ADGRV1: variants seen among roughly 807,000 people sequenced by gnomAD.
ADGRV1 encodes G-protein coupled receptor 98.
Under a neutral mutation model 596.2 loss-of-function variants are expected in ADGRV1, and 359 were observed. That is an observed-to-expected ratio of 0.60 (90% confidence interval 0.55 to 0.66). The LOEUF is 0.66. Among genes scored for constraint, ADGRV1 ranks in the 30% least tolerant of loss-of-function variants. The probability of loss-of-function intolerance (pLI) is 0.00; values close to 1 mark genes in which losing one functional copy is unlikely to be tolerated. For synonymous variants in ADGRV1, 2,681 were observed against 2,679.2 expected (o/e 1.00, Z -0.02); for missense variants, 7,274 against 7,575.6 (o/e 0.96, Z 1.48).
In ADGRV1 at chr5:91,153,210, A is replaced by G; in HGVS notation, c.18625-11A>G. The stretch of plus-strand genomic sequence containing the variant: ...TATGGTTTCTTTTTCCCCCCATCCC[A>G]ATCTAAAAAGGTGCCACCTGACTGG... On this transcript the variant is annotated splice_polypyrimidine_tract_variant and intron_variant, in intron 88 of 89. Coordinates refer to ENST00000405460, the MANE Select transcript of ADGRV1 (RefSeq NM_032119.4). 6.3e-7 allele frequency: 1 copy of G among 1,596,670 alleles called. No individual in the cohort carries two copies. Among genetic ancestry groups the G allele is most frequent in the Non-Finnish European group, 8.5e-7 (1 of 1,171,138 alleles).
intron 13 of ADGRV1, 132 bp from the exon 14 acceptor site, chr5:90,643,671 C>A: frequency 1.7e-6 from 1 of 573,124 alleles, no homozygotes; most frequent in South Asian, 3.7e-5. Flanking sequence ...ATGATACCAC[C>A]TCTTTTGTCC....
intron 21 of ADGRV1, among the ~76,000 whole-genome samples, chr5:90,667,886 G>T (rs2149517747): frequency 6.6e-6 from 1 of 152,210 alleles, no homozygotes; most frequent in South Asian, 2.1e-4. Context: ...GTGTCAGTGT[G>T]CCCCTGTTGG....
At chr5:90,861,237 G>T (rs1220988551) in intron 82 of ADGRV1, among the ~76,000 whole-genome samples, 1 of 151,994 alleles carries the variant, frequency 6.6e-6, no homozygotes, top group South Asian at 2.1e-4. Flanking sequence ...AAACTGTTCA[G>T]AGTATACCTT....
At position 90,694,429 on chromosome 5, in the gene ADGRV1, C is replaced by G. The variant is rs764379494; in HGVS notation, c.7673C>G (p.Pro2558Arg). ...MNISASLKNQ[P>R]TIGQPNISTV... ...ATTTCAGCCAGTTTGAAAAATCAGC[C>G]AACCATAGGACAGCCAAATATTTCT... Residue 2558 changes from proline (P) to arginine (R), a missense_variant, in exon 33 of 90, where the codon CCA (proline) becomes CGA (arginine). Pro to Arg is a moderately radical substitution (Grantham distance 103, BLOSUM62 -2). Transcript: ENST00000405460. The G allele has an allele frequency of 6.2e-7, 1 of 1,613,966 alleles. No individual in the cohort carries two copies. Among genetic ancestry groups the G allele is most frequent in the Admixed American group, 1.7e-5 (1 of 60,006 alleles).
At chr5:90,872,508 G>C (rs146551423) in intron 83 of ADGRV1, among the ~76,000 whole-genome samples, 59 of 151,824 alleles carry the variant, frequency 3.9e-4, no homozygotes, top group Middle Eastern at 3.4e-3. Context: ...GAAATACAGA[G>C]ATACTTGGCT....
chr5:90,729,773 T>G lies in ADGRV1; in HGVS notation c.10549+9T>G, dbSNP rs1340794555. On this transcript the variant is annotated intron_variant, in intron 50 of 89. Coordinates refer to ENST00000405460, the MANE Select transcript of ADGRV1 (RefSeq NM_032119.4). ...ACCAGCCTCAGGAATAGGTAAGGAC[T>G]TTTCAACTGCTCACCAATTCTAAAG... 1.2e-6 allele frequency: 2 copies of G among 1,612,202 alleles called. No homozygotes were observed. The highest frequency in any genetic ancestry group is 2.7e-5 in the African/African-American group (2 of 74,878).
At chr5:90,965,632 C>T (rs370449651) in intron 84 of ADGRV1, 101 bp downstream of exon 84, 25 of 606,634 alleles carry the variant, frequency 4.1e-5, no homozygotes, top group African/African-American at 2.2e-4. Flanking sequence ...GAAGTAATTC[C>T]GTATATCCAT....
chr5:91,105,841 G>A (rs1469658573), intron 87 of ADGRV1, among the ~76,000 whole-genome samples: 1 of 151,680 alleles, frequency 6.6e-6, no homozygotes, highest in Non-Finnish European at 1.5e-5. Context: ...TATGAAATAA[G>A]CATTTTATAA....
Position 90,763,345 on chromosome 5 carries a change from CA to C in ADGRV1, c.12162del (p.Tyr4055MetfsTer2). Reference protein sequence around the residue: ...DESLSSDDPDSYVTLTVVRSP... With the variant: ...DESLSSDDPDXYVTLTVVRSP... ...TCCCTTTCATCCGATGACCCTGATT[CA>C]TATGTGACATTGACGGTTGTCCGGT... On this transcript the variant is annotated frameshift_variant, in exon 59 of 90. Coordinates refer to ENST00000405460, the MANE Select transcript of ADGRV1 (RefSeq NM_032119.4). LOFTEE classifies it high-confidence loss of function. 6.2e-7 allele frequency: 1 copy of C among 1,609,156 alleles called. No individual in the cohort carries two copies. The highest frequency in any genetic ancestry group is 8.5e-7 in the Non-Finnish European group (1 of 1,176,656).
Position 90,985,389 on chromosome 5 carries a change from G to A in ADGRV1, c.18019G>A (p.Glu6007Lys), listed in dbSNP as rs955315506. The change falls in exon 85 of 90, where the codon GAG (glutamate) becomes AAG (lysine). Residue 6007 changes from glutamate (E) to lysine (K), a missense_variant. Glu to Lys is a moderately conservative substitution (Grantham distance 56). Transcript: ENST00000405460. ...GCTGGTGATGAATGATGAGCACACAGAGAGGCGATATCTGCTGTTTTTCCT... is the reference window on the plus strand; with the variant it reads ...GCTGGTGATGAATGATGAGCACACAAAGAGGCGATATCTGCTGTTTTTCCT... ...YVLVMNDEHT[E>K]RRYLLFFLLS... 8.7e-6 allele frequency: 14 copies of A among 1,613,710 alleles called. No individual in the cohort carries two copies. In the South Asian group the frequency reaches 1.5e-4, roughly 18 times the overall value.
At chr5:90,565,304 C>T (rs2151945466) in intron 1 of ADGRV1, among the ~76,000 whole-genome samples, 1 of 152,306 alleles carries the variant, frequency 6.6e-6, no homozygotes, top group South Asian at 2.1e-4. Flanking sequence ...CCAAAAGAAG[C>T]TCTCTACCCA....
In ADGRV1 at chr5:90,619,135, C is replaced by A; in HGVS notation, c.407C>A (p.Thr136Lys). 1.3e-6 allele frequency: 2 copies of A among 1,505,476 alleles called. No individual in the cohort carries two copies. Among genetic ancestry groups the A allele is most frequent in the Non-Finnish European group, 8.9e-7 (1 of 1,122,722 alleles). 93.3% of individuals were successfully genotyped at this position (1,505,476 alleles called of 1,614,324 possible). A position where few individuals can be genotyped will look rare whatever the true frequency, so the allele number is the denominator to read the frequency against. ...KLGWPRTVTV[T>K]ILSNDNAFGI... ...GGATGGCCAAGGACTGTTACTGTGACAATATTATCAAATGACAATGCATTT... is the reference window on the plus strand; with the variant it reads ...GGATGGCCAAGGACTGTTACTGTGAAAATATTATCAAATGACAATGCATTT... Residue 136 changes from threonine to lysine, a missense_variant, in exon 4 of 90, where the codon ACA (threonine) becomes AAA (lysine). By Grantham distance (78) the Thr-to-Lys change is moderately conservative. Coordinates refer to ENST00000405460, the MANE Select transcript of ADGRV1 (RefSeq NM_032119.4).
intron 77 of ADGRV1, among the ~76,000 whole-genome samples, chr5:90,837,627 C>T (rs1459077659): frequency 4.6e-5 from 7 of 151,998 alleles, no homozygotes; most frequent in Admixed American, 3.3e-4. Flanking sequence ...GCCTTGGCCT[C>T]CCCATTGTCA....
Position 90,629,424 on chromosome 5 carries a change from T to C in ADGRV1, c.1724T>C (p.Leu575Ser), listed in dbSNP as rs1197055067. The C allele has an allele frequency of 1.2e-6, 2 of 1,613,692 alleles. No individual in the cohort carries two copies. Among genetic ancestry groups the C allele is most frequent in the Non-Finnish European group, 1.7e-6 (2 of 1,179,800 alleles). The stretch of plus-strand genomic sequence containing the variant: ...CCCTTGCAAGCAAAAGAAGGCATCT[T>C]AAATATATCAAGGAGAAATGACCTC... ...VDPLQAKEGI[L>S]NISRRNDLIF... The change falls in exon 9 of 90, where the codon TTA becomes TCA. Residue 575 changes from leucine to serine, a missense_variant. Physicochemically the swap from Leu to Ser is moderately radical, Grantham distance 145 (BLOSUM62 -2). Transcript: ENST00000405460.
chr5:90,592,101 G>A (rs2151996596), intron 1 of ADGRV1, among the ~76,000 whole-genome samples: 2 of 152,328 alleles, frequency 1.3e-5, no homozygotes, highest in East Asian at 3.9e-4. Context: ...TGATCCAGCA[G>A]TCCCACTCCT....
At chr5:90,616,134 A>C (rs1561389323) in intron 2 of ADGRV1, among the ~76,000 whole-genome samples, 1 of 151,978 alleles carries the variant, frequency 6.6e-6, no homozygotes, top group Non-Finnish European at 1.5e-5. Context: ...ACTTACTTGG[A>C]TTTCTCAAGT....
chr5:91,124,455 T>C (rs1793580512), intron 87 of ADGRV1, among the ~76,000 whole-genome samples: 2 of 152,322 alleles, frequency 1.3e-5, no homozygotes, highest in South Asian at 4.1e-4. Context: ...CCATCTGATA[T>C]TGCTACATCA....
At chr5:90,687,424 A>G (rs1307612740) in intron 29 of ADGRV1, among the ~76,000 whole-genome samples, 4 of 152,130 alleles carry the variant, frequency 2.6e-5, no homozygotes, top group Admixed American at 2.6e-4. Flanking sequence ...TCAGCTTTCT[A>G]CATATGGCTA....
intron 83 of ADGRV1, among the ~76,000 whole-genome samples, chr5:90,924,368 T>A: frequency 6.6e-6 from 1 of 152,078 alleles, no homozygotes; most frequent in Non-Finnish European, 1.5e-5. Flanking sequence ...GATTTGCATT[T>A]CTCTGATGGC....
Sources: gnomAD v4.1 joint callset for allele counts (sites outside exome capture counted in the v4.1 genomes callset) on GRCh38, gnomAD v4.1.1 for gene constraint, MANE v1.5 for transcripts, NCBI Gene and HGNC (gene_info 2026-07-23, HGNC 2026-07-21) for gene names.